CNTN5: variants seen among roughly 807,000 people sequenced by gnomAD.
The protein encoded by CNTN5 is contactin-5.
CNTN5 carries 77 observed loss-of-function variants against 129.1 expected under a neutral mutation model. That is an observed-to-expected ratio of 0.60 (90% confidence interval 0.50 to 0.72). The LOEUF is 0.72. Ranked by LOEUF, CNTN5 falls within the 30% of genes least tolerant of loss-of-function variation. The probability of loss-of-function intolerance (pLI) is 0.00; values close to 1 mark genes in which losing one functional copy is unlikely to be tolerated. For missense variants in CNTN5, 1,478 were observed against 1,328.8 expected (o/e 1.11, Z -1.75); for synonymous variants, 509 against 465.6 (o/e 1.09, Z -1.20).
chr11:99,466,317 G>A (rs1031875290), intron 2 of CNTN5, among the ~76,000 whole-genome samples: 4 of 152,174 alleles, frequency 2.6e-5, no homozygotes, highest in East Asian at 1.9e-4. Context: ...ATTACAATTC[G>A]ACATGAGATT....
In CNTN5 at chr11:100,301,896, G is replaced by A. The variant is rs547865366; in HGVS notation, c.2620+2500G>A. Among the ~76,000 whole-genome samples, 7 of 151,748 alleles carry A rather than the reference G, an allele frequency of 4.6e-5. No homozygotes were observed. In the South Asian group the frequency reaches 1.5e-3, roughly 32 times the overall value. On this transcript the variant is annotated intron_variant, in intron 20 of 24. Transcript: ENST00000524871. ...ATATTCTAAAACATTATTTTAGCTGGAGCAGTGGCTTATGCCTATAATCCC... is the reference window on the plus strand; with the variant it reads ...ATATTCTAAAACATTATTTTAGCTGAAGCAGTGGCTTATGCCTATAATCCC...
chr11:99,229,091 T>G (rs1860843503), intron 1 of CNTN5, among the ~76,000 whole-genome samples: 1 of 152,074 alleles, frequency 6.6e-6, no homozygotes. Context: ...ACATGTTAAT[T>G]TGTCGTTCTT....
intron 21 of CNTN5, among the ~76,000 whole-genome samples, chr11:100,333,386 A>G (rs1591521782): frequency 7.9e-6 from 1 of 127,146 alleles, no homozygotes; most frequent in Non-Finnish European, 1.6e-5. Flanking sequence ...TCAAAATACC[A>G]CCATCATTCT....
chr11:99,690,522 T>C (rs1048602260), intron 3 of CNTN5, among the ~76,000 whole-genome samples: 3 of 152,174 alleles, frequency 2.0e-5, no homozygotes, highest in South Asian at 2.1e-4. Context: ...TCCATGGCAG[T>C]TTAATGAGAA....
At chr11:100,231,979 C>A (rs189595857) in intron 16 of CNTN5, among the ~76,000 whole-genome samples, 1 of 152,168 alleles carries the variant, frequency 6.6e-6, no homozygotes. Flanking sequence ...CATGGGGAAA[C>A]CCTGTCTTTA....
chr11:99,373,925 G>A (rs539276572), intron 2 of CNTN5, among the ~76,000 whole-genome samples: 11 of 152,000 alleles, frequency 7.2e-5, no homozygotes, highest in Non-Finnish European at 1.5e-4. Context: ...TTAACCATAT[G>A]CTTCCTCTGA....
chr11:99,201,351 T>TTTCCATCCTTCCTTCCTTCC (rs1859183940), intron 1 of CNTN5, among the ~76,000 whole-genome samples: 1 of 88,154 alleles, frequency 1.1e-5, no homozygotes, highest in African/African-American at 5.0e-5. Flanking sequence ...CTTCCTTTCC[T>TTTCCATCCTTCCTTCCTTCC]TTCCTTCCTT....
intron 10 of CNTN5, among the ~76,000 whole-genome samples, chr11:100,069,029 C>T (rs1357357915): frequency 1.3e-5 from 2 of 152,200 alleles, no homozygotes; most frequent in Non-Finnish European, 2.9e-5. Context: ...ATGACTAGCA[C>T]TAGCATTTAA....
intron 3 of CNTN5, among the ~76,000 whole-genome samples, chr11:99,793,012 C>T (rs548737371): frequency 2.6e-5 from 4 of 151,800 alleles, no homozygotes; most frequent in African/African-American, 9.7e-5. Flanking sequence ...TGGATCTTCC[C>T]TCTTTTATTT....
intron 3 of CNTN5, among the ~76,000 whole-genome samples, chr11:99,567,884 C>T (rs1949057805): frequency 6.6e-6 from 1 of 151,986 alleles, no homozygotes; most frequent in Admixed American, 6.6e-5. Context: ...ATTACCTGAA[C>T]TTAGTGAGCT....
chr11:99,411,197 A>G (rs925589821), intron 2 of CNTN5, among the ~76,000 whole-genome samples: 3 of 152,182 alleles, frequency 2.0e-5, no homozygotes, highest in Non-Finnish European at 4.4e-5. Flanking sequence ...TCCACAATAT[A>G]TAATTACAAT....
intron 15 of CNTN5, among the ~76,000 whole-genome samples, chr11:100,206,015 G>A (rs1333695190): frequency 2.6e-5 from 4 of 152,002 alleles, no homozygotes; most frequent in East Asian, 1.9e-4. Flanking sequence ...GGAGGTATAC[G>A]AATACAACTG....
In CNTN5 at chr11:100,024,280, C is replaced by G. The variant is rs142724844; in HGVS notation, c.980+22144C>G. Among the ~76,000 whole-genome samples, 104 of 152,254 alleles carry G rather than the reference C, an allele frequency of 6.8e-4. 1 individual carries two copies. The East Asian group carries it at 0.013, about 19-fold the overall frequency. On this transcript the variant is annotated intron_variant, in intron 9 of 24. Transcript: ENST00000524871. ...ACCTTGTGAAAAAGGTGCCTTGCTT[C>G]CCTTTCACCTTCCCCCATGATTGTA...
chr11:99,089,959 T>C (rs1320528749), intron 1 of CNTN5, among the ~76,000 whole-genome samples: 1 of 152,206 alleles, frequency 6.6e-6, no homozygotes, highest in African/African-American at 2.4e-5. Flanking sequence ...AGGGAACAGA[T>C]AGACATTTAC....
chr11:99,024,664 A>C (rs1374656156), intron 1 of CNTN5, among the ~76,000 whole-genome samples: 1 of 152,038 alleles, frequency 6.6e-6, no homozygotes, highest in African/African-American at 2.4e-5. Flanking sequence ...CTCAAACATA[A>C]GCTCATACGT....
chr11:99,885,782 C>T (rs1948886678), intron 6 of CNTN5, among the ~76,000 whole-genome samples: 1 of 152,050 alleles, frequency 6.6e-6, no homozygotes, highest in Non-Finnish European at 1.5e-5. Context: ...AACGGCACAA[C>T]TCCAAGTGTA....
intron 1 of CNTN5, among the ~76,000 whole-genome samples, chr11:99,102,573 A>C (rs1866792503): frequency 6.6e-6 from 1 of 152,152 alleles, no homozygotes; most frequent in African/African-American, 2.4e-5. Context: ...TCTCTAGGGC[A>C]GGGGCAAAAT....
intron 9 of CNTN5, among the ~76,000 whole-genome samples, chr11:100,011,842 A>C (rs376706262): frequency 1.3e-5 from 2 of 152,298 alleles, no homozygotes; most frequent in African/African-American, 2.4e-5. Context: ...AAGCTGTCTC[A>C]AATGGCTGCT....
chr11:99,876,675 A>T (rs1373009785), intron 6 of CNTN5, among the ~76,000 whole-genome samples: 1 of 152,202 alleles, frequency 6.6e-6, no homozygotes, highest in Non-Finnish European at 1.5e-5. Flanking sequence ...AAAAATTAGC[A>T]TCATTTTAGA....
Sources: allele counts gnomAD v4.1 joint callset (sites outside exome capture counted in the v4.1 genomes callset), GRCh38; gene constraint gnomAD v4.1.1; transcripts MANE v1.5; gene names NCBI Gene and HGNC (gene_info 2026-07-23, HGNC 2026-07-21).